CPS1: variants seen among roughly 807,000 people sequenced by gnomAD.
CPS1 encodes the protein carbamoyl-phosphate synthase 1, also known as carbamoyl-phosphate synthase [ammonia], mitochondrial.
In CPS1, 109 loss-of-function variants were observed where a neutral mutation model predicts 174.6. The ratio of observed to expected loss-of-function variants is 0.62; its 90% CI spans 0.53 to 0.73. The LOEUF is 0.73. CPS1 is among the 30% of genes least tolerant of loss of function. The pLI is 0.00. For synonymous variants in CPS1, 637 were observed against 632.0 expected, an observed-to-expected ratio of 1.01 and a Z score of -0.12; for missense variants, 1,689 against 1,821.9, an observed-to-expected ratio of 0.93 and a Z score of 1.33.
intron 21 of CPS1, among the ~76,000 whole-genome samples, chr2:210,635,111 C>A: frequency 6.6e-6 from 1 of 151,922 alleles, no homozygotes. Flanking sequence ...GCCCAGCTAG[C>A]TTTTTGTATT....
chr2:210,608,401 A>T lies in CPS1; in HGVS notation c.2233A>T (p.Ile745Phe). The change falls in exon 19 of 38, where the codon ATC (isoleucine) becomes TTC (phenylalanine). Residue 745 changes from isoleucine (I) to phenylalanine (F), a missense_variant. Ile to Phe is a conservative substitution (Grantham distance 21). Transcript: ENST00000233072. Reference protein sequence around the residue: ...AFIAAKIALGIPLPEIKNVVS... With the variant: ...AFIAAKIALGFPLPEIKNVVS... ...CATTGCTGCAAAGATTGCCCTAGGA[A>T]TCCCACTTCCAGAAATTAAGAACGT... 1 of 1,612,378 alleles carries T rather than the reference A, an allele frequency of 6.2e-7. No individual in the cohort carries two copies.
intron 4 of CPS1, among the ~76,000 whole-genome samples, chr2:210,577,911 T>G (rs1007121929): frequency 6.6e-6 from 1 of 151,976 alleles, no homozygotes; most frequent in African/African-American, 2.4e-5. Context: ...ACTGGTTGTG[T>G]AACTTTGTGC....
At chr2:210,576,594 A>G in intron 3 of CPS1, 104 bp downstream of exon 3, 1 of 1,180,650 alleles carries the variant, frequency 8.5e-7, no homozygotes, top group Non-Finnish European at 1.3e-6. Context: ...ATACGGTAGT[A>G]CAAATCATTA....
rs1251623714 is a variant in CPS1, at chr2:210,605,197, T to A, written c.1932T>A (p.Cys644Ter). The change falls in exon 17 of 38, where the codon TGT (cysteine) becomes TGA (stop). Residue 644 changes from cysteine to a stop codon, truncating the protein, a stop_gained. Transcript: ENST00000233072. LOFTEE classifies it high-confidence loss of function. ...TGGTTCGAGATGCTGATGACAATTG[T>A]GTCACTGTCTGTAACATGGAAAATG... Reference protein sequence around the residue: ...YEVVRDADDNCVTVCNMENVD... With the variant: ...YEVVRDADDN The A allele has an allele frequency of 2.5e-6, 4 of 1,612,138 alleles. No individual in the cohort carries two copies. The highest frequency in any genetic ancestry group is 3.4e-6 in the Non-Finnish European group (4 of 1,178,826).
At chr2:210,658,445 T>C (rs1020242442) in intron 30 of CPS1, 154 bp from the exon 31 acceptor site, 11 of 637,192 alleles carry the variant, frequency 1.7e-5, no homozygotes, top group Non-Finnish European at 1.7e-5. Context: ...AGAAACCTAA[T>C]AGTGCCCTCC....
intron 1 of CPS1, among the ~76,000 whole-genome samples, chr2:210,547,360 A>G (rs1019232175): frequency 3.3e-5 from 5 of 152,092 alleles, no homozygotes; most frequent in African/African-American, 1.2e-4. Context: ...GAAAATTCAG[A>G]GTTTAACTTG....
intron 12 of CPS1, among the ~76,000 whole-genome samples, chr2:210,594,943 A>T (rs532837295): frequency 7.2e-5 from 11 of 151,988 alleles, no homozygotes; most frequent in Non-Finnish European, 1.5e-4. Context: ...TTCAGACTAC[A>T]GAATCATTAT....
chr2:210,543,907 A>T (rs188565567), intron 1 of CPS1, among the ~76,000 whole-genome samples: 10 of 152,122 alleles, frequency 6.6e-5, no homozygotes, highest in Non-Finnish European at 1.2e-4. Context: ...CCCTCCCGCA[A>T]GTTATTCCTT....
intron 1 of CPS1, among the ~76,000 whole-genome samples, chr2:210,492,280 A>C (rs1694894453): frequency 6.6e-6 from 1 of 152,218 alleles, no homozygotes; most frequent in Non-Finnish European, 1.5e-5. Context: ...GTACATATGA[A>C]AGTAGAGGTT....
rs1394981468 is a variant in CPS1, at chr2:210,513,030, TTA to T, written c.3+35274_3+35275del. Among the ~76,000 whole-genome samples, 59 of 48,552 alleles carry T rather than the reference TTA, an allele frequency of 1.2e-3. 14 individuals are homozygous for T. The highest frequency in any genetic ancestry group is 2.9e-3 in the African/African-American group (50 of 17,304). The allele number at this position is 48,552 out of a possible 152,430, so 31.9% of individuals were successfully genotyped here. On this transcript the variant is annotated intron_variant, in intron 1 of 38. Coordinates refer to the CPS1 transcript ENST00000430249. ...TATATATATCTATATATCTATATAT[TTA>T]TATATATATGGAGATATATATATAT...
At chr2:210,589,152 C>G (rs940515286) in intron 7 of CPS1, among the ~76,000 whole-genome samples, 4 of 152,030 alleles carry the variant, frequency 2.6e-5, no homozygotes, top group Non-Finnish European at 5.9e-5. Flanking sequence ...CACACGGGCT[C>G]TCAGAGTTCC....
intron 1 of CPS1, 36 bp from the exon 2 acceptor site, chr2:210,573,262 T>C (rs367583582): frequency 4.6e-6 from 7 of 1,527,204 alleles, no homozygotes; most frequent in Non-Finnish European, 6.4e-6. Flanking sequence ...TTTTGTATTA[T>C]GTATTCTGCT....
chr2:210,510,228 T>G (rs78421188), intron 1 of CPS1, among the ~76,000 whole-genome samples: 6 of 152,000 alleles, frequency 3.9e-5, no homozygotes, highest in Admixed American at 3.3e-4. Flanking sequence ...TGCCACGTTA[T>G]CTACAACTAT....
chr2:210,656,693 G>GTTTTT (rs61108700), intron 30 of CPS1, 61 bp downstream of exon 30: 9 of 878,962 alleles, frequency 1.0e-5, no homozygotes, highest in African/African-American at 1.8e-5. Flanking sequence ...AACACCTAAG[G>GTTTTT]TTTTTTTTTT....
chr2:210,674,562 A>C (rs952427423), intron 34 of CPS1: 1 of 295,180 alleles, frequency 3.4e-6, no homozygotes, highest in Non-Finnish European at 6.5e-6. Flanking sequence ...CCTAACCCGC[A>C]TATCTTTTAA....
At chr2:210,619,939 T>TG (rs992129266) in intron 21 of CPS1, 3 of 119,222 alleles carry the variant, frequency 2.5e-5, no homozygotes, top group African/African-American at 9.6e-5. Context: ...TGTTGGGGGG[T>TG]GGGGGGCTAA....
At chr2:210,676,785 C>T (rs892510751) in intron 36 of CPS1, among the ~76,000 whole-genome samples, 1 of 152,148 alleles carries the variant, frequency 6.6e-6, no homozygotes, top group Admixed American at 6.5e-5. Context: ...AGAAAACAAA[C>T]ATCTGCATTC....
In CPS1 at chr2:210,646,983, A is replaced by G. The variant is rs193150058; in HGVS notation, c.3142-880A>G. On this transcript the variant is annotated intron_variant, in intron 25 of 37. Transcript: ENST00000233072. ...GACTGCTAATAGGAGATTTGGACTT[A>G]TGGAAGAAAATCTTACACAAATGTC... Among the ~76,000 whole-genome samples the G allele has an allele frequency of 5.3e-5, 8 of 152,038 alleles. No individual in the cohort carries two copies. In the East Asian group the frequency reaches 1.4e-3, roughly 26 times the overall value.
At chr2:210,485,469 C>G (rs1173053135) in intron 1 of CPS1, among the ~76,000 whole-genome samples, 1 of 152,078 alleles carries the variant, frequency 6.6e-6, no homozygotes. Context: ...TGGACAATCA[C>G]TGATCTGCTG....
Sources: allele counts gnomAD v4.1 joint callset (sites outside exome capture counted in the v4.1 genomes callset), GRCh38; gene constraint gnomAD v4.1.1; transcripts MANE v1.5; gene names NCBI Gene and HGNC (gene_info 2026-07-23, HGNC 2026-07-21).